The following EPPK1 variants were observed in gnomAD, a reference collection of about 807,000 sequenced individuals.
EPPK1 encodes the protein epiplakin.
For missense variants in EPPK1, 3,823 were observed against 3,673.3 expected, an observed-to-expected ratio of 1.04 and a Z score of -1.05; for synonymous variants, 1,862 against 1,721.2, an observed-to-expected ratio of 1.08 and a Z score of -2.03.
chr8:143,870,557 G>T lies in EPPK1; in HGVS notation c.2697C>A (p.Asp899Glu). 6.2e-7 allele frequency: 1 copy of T among 1,611,850 alleles called. No homozygotes were observed. The highest frequency in any genetic ancestry group is 1.7e-5 in the Admixed American group (1 of 59,986). Reference protein sequence around the residue: ...VHQLLEAGIIDQQLLDQVLAG... With the variant: ...VHQLLEAGIIEQQLLDQVLAG... ...CCAGCACTTGGTCCAACAGCTGCTG[G>T]TCAATGATACCGGCCTCCAGGAGCT... Residue 899 changes from aspartate to glutamate, a missense_variant, in exon 2 of 2, where the codon GAC becomes GAA. Coordinates refer to ENST00000615648, the MANE Select transcript of EPPK1 (RefSeq NM_031308.4). This position sits in a 1 kb window ranked among gnomAD's most constrained non-coding sequence, Gnocchi z 5.2.
At position 143,867,678 on chromosome 8, in the gene EPPK1, A is replaced by G. The variant is rs1819177903; in HGVS notation, c.5576T>C (p.Leu1859Pro). The change falls in exon 2 of 2, where the codon CTG becomes CCG. Residue 1859 changes from leucine to proline, a missense_variant. By Grantham distance (98) the Leu-to-Pro change is moderately conservative. Transcript: ENST00000615648. ...AIRGEVTAAD[L>P]FNSRVIDQKT... Reference sequence around the variant, plus strand: ...CTGATCGATGACCCTGGAGTTGAACAGGTCTGCAGCTGTCACCTCCCCTCT... The same window carrying G: ...CTGATCGATGACCCTGGAGTTGAACGGGTCTGCAGCTGTCACCTCCCCTCT... 1.2e-6 allele frequency: 2 copies of G among 1,613,374 alleles called. No homozygotes were observed. Among genetic ancestry groups the G allele is most frequent in the East Asian group, 2.2e-5 (1 of 44,890 alleles).
rs782366274 is a variant in EPPK1 at position 143,868,115 on chromosome 8, CT to C, written c.5138del (p.Glu1713GlyfsTer2). On this transcript the variant is annotated frameshift_variant, in exon 2 of 2. Coordinates refer to ENST00000615648, the MANE Select transcript of EPPK1 (RefSeq NM_031308.4). LOFTEE classifies it low-confidence loss of function (END_TRUNC). ...TGGGGTCCGCCAGGATGCGGTTCAT[CT>C]CCTCGTCGAAGTAGCCGCAGCGGTA... ...VAYRCGYFDEEMNRILADPSD... is the reference protein window; with the variant it reads ...VAYRCGYFDEXMNRILADPSD... 1 of 1,613,282 alleles carries C rather than the reference CT, an allele frequency of 6.2e-7. No homozygotes were observed. The highest frequency in any genetic ancestry group is 2.2e-5 in the East Asian group (1 of 44,878).
chr8:143,871,457 C>T lies in EPPK1; in HGVS notation c.1797G>A (p.Leu599=), dbSNP rs782148132. 1.2e-6 allele frequency: 2 copies of T among 1,607,514 alleles called. No homozygotes were observed. Among genetic ancestry groups the T allele is most frequent in the Non-Finnish European group, 1.7e-6 (2 of 1,178,036 alleles). ...GQATAKDVGS[L]ASVQRYLQGT... is the part of the protein sequence containing the mutation. ...CCTGCAGGTACCTCTGCACCGAGGC[C>T]AGGCTGCCCACATCCTTGGCTGTGG... is the stretch of plus-strand genomic sequence containing the variant. The change falls in exon 2 of 2, where the codon CTG becomes CTA. Residue 599 remains leucine (L), a synonymous_variant. Transcript: ENST00000615648.
chr8:143,866,826 T>C lies in EPPK1; in HGVS notation c.6428A>G (p.Tyr2143Cys). The change falls in exon 2 of 2, where the codon TAT (tyrosine) becomes TGT (cysteine). Residue 2143 changes from tyrosine to cysteine, a missense_variant. Transcript: ENST00000615648. Reference sequence around the variant, plus strand: ...CAGTGCCCGTCTGGTGTGTGTTCTATACATCCTCACCAGCTGGAGCTTCTT... The same window carrying C: ...CAGTGCCCGTCTGGTGTGTGTTCTACACATCCTCACCAGCTGGAGCTTCTT... ...EEKKLQLVRM[Y>C]RTHTRRALQT... is the part of the protein sequence containing the mutation. The C allele has an allele frequency of 1.2e-6, 2 of 1,613,474 alleles. No individual in the cohort carries two copies. Among genetic ancestry groups the C allele is most frequent in the South Asian group, 1.1e-5 (1 of 91,088 alleles).
At chr8:143,875,380 C>T (rs1819459470) in intron 1 of EPPK1, among the ~76,000 whole-genome samples, 1 of 152,234 alleles carries the variant, frequency 6.6e-6, no homozygotes, top group Non-Finnish European at 1.5e-5. Context: ...TGGTCCCGGG[C>T]CTCCTCCAGG....
Position 143,867,028 on chromosome 8 carries a change from CTT to C in EPPK1, c.6224_6225del (p.Gln2075ArgfsTer22). ...GGGAACAGCAGCCAGCCCGTGTCCT[CTT>C]GTGGGCGGCACCTCTCCTGCAGCTC... ...YRELQERCRPQEDTGWLLFPV... is the reference protein window; with the variant it reads ...YRELQERCRPXEDTGWLLFPV... On this transcript the variant is annotated frameshift_variant, in exon 2 of 2. Transcript: ENST00000615648. LOFTEE classifies it low-confidence loss of function (END_TRUNC). 6.2e-7 allele frequency: 1 copy of C among 1,612,854 alleles called. No homozygotes were observed. The highest frequency in any genetic ancestry group is 8.5e-7 in the Non-Finnish European group (1 of 1,179,876).
At chr8:143,875,376 C>T (rs1182540165) in intron 1 of EPPK1, among the ~76,000 whole-genome samples, 6 of 152,346 alleles carry the variant, frequency 3.9e-5, no homozygotes, top group South Asian at 4.1e-4. Flanking sequence ...ATACTGGTCC[C>T]GGGCCTCCTC....
At chr8:143,874,540 G>GC (rs1321982041) in intron 1 of EPPK1, among the ~76,000 whole-genome samples, 1 of 152,152 alleles carries the variant, frequency 6.6e-6, no homozygotes, top group Non-Finnish European at 1.5e-5. Flanking sequence ...GACGCCTGGG[G>GC]CCCCAGAAGC....
Position 143,869,069 on chromosome 8 carries a change from T to C in EPPK1, c.4185A>G (p.Ala1395=), listed in dbSNP as rs782576137. 6.8e-6 allele frequency: 11 copies of C among 1,608,664 alleles called. No homozygotes were observed. The highest frequency in any genetic ancestry group is 2.2e-5 in the East Asian group (1 of 44,878). ...LDTQTSQVLT[A]VDKDNKFFFD... ...AGAAGAACTTGTTGTCCTTGTCAAC[T>C]GCAGTCAGCACCTGGCTCGTCTGTG... The change falls in exon 2 of 2, where the codon GCA becomes GCG. Residue 1395 remains alanine (A), a synonymous_variant. Transcript: ENST00000615648.
Position 143,867,641 on chromosome 8 carries a change from G to A in EPPK1, c.5613C>T (p.His1871=), listed in dbSNP as rs782655371. Residue 1871 remains histidine (H), a synonymous_variant, in exon 2 of 2, where the codon CAC becomes CAT. Coordinates refer to ENST00000615648, the MANE Select transcript of EPPK1 (RefSeq NM_031308.4). ...NSRVIDQKTL[H]TLRVGRTGGQ... ...CCCCAGTCCTCCCCACACGAAGTGT[G>A]TGCAGGGTCTTCTGATCGATGACCC... 2 of 1,613,368 alleles carry A rather than the reference G, an allele frequency of 1.2e-6. No homozygotes were observed. Among genetic ancestry groups the A allele is most frequent in the Non-Finnish European group, 1.7e-6 (2 of 1,179,852 alleles).
At position 143,866,912 on chromosome 8, in the gene EPPK1, C is replaced by G. The variant is rs373694823; in HGVS notation, c.6342G>C (p.Arg2114Ser). ...EAEQVEITVG[R>S]FRGQKPTLWA... ...ACAGTGTTGGTTTCTGGCCTCTGAACCTTCCCACTGTGATTTCCACTTGCT... is the reference window on the plus strand; with the variant it reads ...ACAGTGTTGGTTTCTGGCCTCTGAAGCTTCCCACTGTGATTTCCACTTGCT... The change falls in exon 2 of 2, where the codon AGG becomes AGC. Residue 2114 changes from arginine (R) to serine (S), a missense_variant. Coordinates refer to ENST00000615648, the MANE Select transcript of EPPK1 (RefSeq NM_031308.4). The G allele has an allele frequency of 6.2e-7, 1 of 1,612,938 alleles. No homozygotes were observed. Among genetic ancestry groups the G allele is most frequent in the African/African-American group, 1.3e-5 (1 of 74,934 alleles).
In EPPK1 at chr8:143,865,219, G is replaced by C; in HGVS notation, c.8035C>G (p.Gln2679Glu). ...AGGCCCAGGGCGCCGGCCGCGTGCTGGGCCAGGAGCTCGTCTCGGCGGGCC... is the reference window on the plus strand; with the variant it reads ...AGGCCCAGGGCGCCGGCCGCGTGCTCGGCCAGGAGCTCGTCTCGGCGGGCC... ...SEARRDELLA[Q>E]HAAGALGLPD... The change falls in exon 2 of 2, where the codon CAG becomes GAG. Residue 2679 changes from glutamine (Q) to glutamate (E), a missense_variant. Gln to Glu is a conservative substitution (Grantham distance 29). Transcript: ENST00000615648. 2.9e-6 allele frequency: 1 copy of C among 340,964 alleles called. No homozygotes were observed. The highest frequency in any genetic ancestry group is 2.6e-5 in the African/African-American group (1 of 37,776). The allele number at this position is 340,964 out of a possible 1,614,324, so 21.1% of individuals were successfully genotyped here.
rs1297267907 is a variant in EPPK1, at chr8:143,866,539, G to A, written c.6715C>T (p.Arg2239Cys). Residue 2239 changes from arginine to cysteine, a missense_variant, in exon 2 of 2, where the codon CGC (arginine) becomes TGC (cysteine). Physicochemically the swap from Arg to Cys is radical, Grantham distance 180. Transcript: ENST00000615648. ...VLVPAKDQPG[R>C]QEKMSIYQAM... ...TGGTAGATGCTCATCTTCTCCTGGC[G>A]GCCGGGCTGGTCCTTGGCGGGCACC... The A allele has an allele frequency of 1.6e-5, 25 of 1,590,940 alleles. No homozygotes were observed. The East Asian group carries it at 1.8e-4, about 11-fold the overall frequency.
chr8:143,868,199 G>A lies in EPPK1; in HGVS notation c.5055C>T (p.Ile1685=), dbSNP rs782533658. Residue 1685 remains isoleucine (I), a synonymous_variant, in exon 2 of 2, where the codon ATC becomes ATT. Coordinates refer to ENST00000615648, the MANE Select transcript of EPPK1 (RefSeq NM_031308.4). ...CGGGGTCGATGATGCCGCCCGTGGC[G>A]ATCTGGGCCTCCAGCAGGCGGATGC... ...EHGIRLLEAQ[I]ATGGIIDPVH... 5.8e-5 allele frequency: 93 copies of A among 1,612,908 alleles called. No homozygotes were observed. Among genetic ancestry groups the A allele is most frequent in the Admixed American group, 1.8e-4 (11 of 60,004 alleles).
In EPPK1 at chr8:143,869,001, C is replaced by T. The variant is rs1819240430; in HGVS notation, c.4253G>A (p.Arg1418Lys). 1 of 1,610,414 alleles carries T rather than the reference C, an allele frequency of 6.2e-7. No homozygotes were observed. Among genetic ancestry groups the T allele is most frequent in the Non-Finnish European group, 8.5e-7 (1 of 1,179,850 alleles). The stretch of plus-strand genomic sequence containing the variant: ...CTCGGAGTCGCACACGCAGCGCTCC[C>T]TGAGCTGCTGGTAGGTCACCTGGTC... ...ARDQVTYQQL[R>K]ERCVCDSETG... Residue 1418 changes from arginine to lysine, a missense_variant, in exon 2 of 2, where the codon AGG becomes AAG. Physicochemically the swap from Arg to Lys is conservative, Grantham distance 26 (BLOSUM62 2). Coordinates refer to ENST00000615648, the MANE Select transcript of EPPK1 (RefSeq NM_031308.4).
rs368909298 is a variant in EPPK1, at chr8:143,867,014, C to G, written c.6240G>C (p.Trp2080Cys). The part of the protein sequence containing the change: ...ERCRPQEDTG[W>C]LLFPVNKAAR... Reference sequence around the variant, plus strand: ...CAGCCTTGTTCACTGGGAACAGCAGCCAGCCCGTGTCCTCTTGTGGGCGGC... The same window carrying G: ...CAGCCTTGTTCACTGGGAACAGCAGGCAGCCCGTGTCCTCTTGTGGGCGGC... Residue 2080 changes from tryptophan to cysteine, a missense_variant, in exon 2 of 2, where the codon TGG becomes TGC. Transcript: ENST00000615648. The G allele has an allele frequency of 1.4e-5, 23 of 1,612,636 alleles. No homozygotes were observed. The highest frequency in any genetic ancestry group is 1.8e-5 in the Non-Finnish European group (21 of 1,179,780).
chr8:143,857,896 C>CAAAAAAAAAAAAAAAAAAAAAAAAA lies in EPPK1; in HGVS notation c.*90_*91insTTTTTTTTTTTTTTTTTTTTTTTTT, dbSNP rs35186960. 1.1e-5 allele frequency: 5 copies of CAAAAAAAAAAAAAAAAAAAAAAAAA among 437,916 alleles called. No individual in the cohort carries two copies. Among genetic ancestry groups the CAAAAAAAAAAAAAAAAAAAAAAAAA allele is most frequent in the African/African-American group, 3.4e-5 (1 of 29,402 alleles). The allele number at this position is 437,916 out of a possible 1,614,324, so 27.1% of individuals were successfully genotyped here. On this transcript the variant is annotated 3_prime_UTR_variant, in exon 2 of 2. Transcript: ENST00000615648. ...GTAAAACAACAAAATTAAAGAATGACAAAAAAAAAAAAAAAAAAAAAAACA... is the reference window on the plus strand; with the variant it reads ...GTAAAACAACAAAATTAAAGAATGACAAAAAAAAAAAAAAAAAAAAAAAAAAAAAAAAAAAAAAAAAAAAAAAACA...
Position 143,867,717 on chromosome 8 carries a change from T to TTG in EPPK1, c.5535_5536dup (p.Lys1846ThrfsTer10). 1 of 1,613,762 alleles carries TTG rather than the reference T, an allele frequency of 6.2e-7. No homozygotes were observed. Among genetic ancestry groups the TTG allele is most frequent in the Non-Finnish European group, 8.5e-7 (1 of 1,179,866 alleles). On this transcript the variant is annotated frameshift_variant, in exon 2 of 2. Transcript: ENST00000615648. LOFTEE classifies it low-confidence loss of function (END_TRUNC). ...CACCTCCCCTCTGATGGCCGCCACT[T>TTG]TGATGCCTTGGTTTTGCGTCTCTGT...
chr8:143,870,054 C>G lies in EPPK1; in HGVS notation c.3200G>C (p.Gly1067Ala), dbSNP rs1554660600. 7 of 1,610,782 alleles carry G rather than the reference C, an allele frequency of 4.3e-6. No homozygotes were observed. The highest frequency in any genetic ancestry group is 5.9e-6 in the Non-Finnish European group (7 of 1,178,996). Reference sequence around the variant, plus strand: ...TGTCTCCATCTCCTGGTCAACATAGCCACGCTGAATGGCCACTGGCATGGG... The same window carrying G: ...TGTCTCCATCTCCTGGTCAACATAGGCACGCTGAATGGCCACTGGCATGGG... Reference protein sequence around the residue: ...HLPMPVAIQRGYVDQEMETAL... With the variant: ...HLPMPVAIQRAYVDQEMETAL... Residue 1067 changes from glycine (G) to alanine (A), a missense_variant, in exon 2 of 2, where the codon GGC becomes GCC. Gly to Ala is a moderately conservative substitution (Grantham distance 60). Transcript: ENST00000615648. This position sits in a 1 kb window ranked among gnomAD's most constrained non-coding sequence, Gnocchi z 5.2.
Sources: gnomAD v4.1 joint callset for allele counts (sites outside exome capture counted in the v4.1 genomes callset) on GRCh38, gnomAD v4.1.1 for gene constraint, Gnocchi (gnomAD v3.1) non-coding constraint, MANE v1.5 for transcripts, NCBI Gene and HGNC (gene_info 2026-07-23, HGNC 2026-07-21) for gene names.